TSPAN33: variants seen among roughly 807,000 people sequenced by gnomAD.
TSPAN33 encodes tetraspanin-33.
Under a neutral mutation model 34.8 loss-of-function variants are expected in TSPAN33, and 27 were observed. That is an observed-to-expected ratio of 0.78 (90% CI 0.57 to 1.07). The LOEUF (loss-of-function observed/expected upper bound fraction) is 1.07. Among genes scored for constraint, TSPAN33 ranks in the 50% least tolerant of loss-of-function variants. TSPAN33 has a pLI of 0.00. For synonymous variants in TSPAN33, 119 were observed against 124.2 expected (o/e 0.96, Z 0.28); for missense variants, 272 against 324.9 (o/e 0.84, Z 1.25).
intron 1 of TSPAN33, among the ~76,000 whole-genome samples, chr7:129,150,782 C>T (rs894322192): frequency 1.7e-4 from 26 of 151,940 alleles, no homozygotes; most frequent in South Asian, 2.1e-4. Flanking sequence ...TGGGGGTGGG[C>T]GTGGAGAGTG....
intron 5 of TSPAN33, 66 bp from the exon 6 acceptor site, chr7:129,166,712 G>A: frequency 6.3e-7 from 1 of 1,576,360 alleles, no homozygotes; most frequent in South Asian, 1.2e-5. Flanking sequence ...GTGGCTCTGA[G>A]AATTCCCCTG....
intron 5 of TSPAN33, 84 bp downstream of exon 5, chr7:129,164,653 G>A: frequency 7.7e-7 from 1 of 1,291,496 alleles, no homozygotes; most frequent in Non-Finnish European, 1.1e-6. Flanking sequence ...TGCCTGTGGG[G>A]CTCTTCATTA....
chr7:129,168,171 G>A lies in TSPAN33; in HGVS notation c.*297G>A, dbSNP rs1341962877. On this transcript the variant is annotated 3_prime_UTR_variant, in exon 8 of 8. Coordinates refer to ENST00000486685, the MANE Select transcript of TSPAN33 (RefSeq NM_178562.5). ...GAAACAGCAGTTGCACAGAGAGTTG[G>A]GGGTACTGCTGCTGCCTTTTCACCG... 2 of 352,134 alleles carry A rather than the reference G, an allele frequency of 5.7e-6. No homozygotes were observed. Among genetic ancestry groups the A allele is most frequent in the Non-Finnish European group, 1.0e-5 (2 of 194,320 alleles). The allele number at this position is 352,134 out of a possible 1,614,324, so 21.8% of individuals were successfully genotyped here. A position where few individuals can be genotyped will look rare whatever the true frequency, so the allele number is the denominator to read the frequency against.
chr7:129,159,594 A>C (rs1793019318), intron 1 of TSPAN33, among the ~76,000 whole-genome samples: 1 of 152,256 alleles, frequency 6.6e-6, no homozygotes, highest in African/African-American at 2.4e-5. Context: ...CAGTAAAATG[A>C]CACTCAGAAC....
chr7:129,162,239 A>G (rs1208674112), intron 2 of TSPAN33, among the ~76,000 whole-genome samples, 155 bp from the exon 3 acceptor site: 3 of 152,184 alleles, frequency 2.0e-5, no homozygotes, highest in African/African-American at 2.4e-5. Context: ...GGTTCTCCCC[A>G]TGGGACAGGG....
intron 4 of TSPAN33, 55 bp downstream of exon 4, chr7:129,162,962 G>A: frequency 6.5e-7 from 1 of 1,539,446 alleles, no homozygotes; most frequent in Non-Finnish European, 8.9e-7. Flanking sequence ...GAGGAAGGAA[G>A]GTTCCTGCCC....
intron 1 of TSPAN33, among the ~76,000 whole-genome samples, chr7:129,151,190 G>T (rs1178964132): frequency 1.3e-5 from 2 of 152,146 alleles, no homozygotes; most frequent in Non-Finnish European, 2.9e-5. Flanking sequence ...GCAGTGATGG[G>T]ATCACAGCTC....
chr7:129,144,740 CCGCGGGTGAGTCTCGTCCGCTCG>C lies in TSPAN33; in HGVS notation c.-237_-215del, dbSNP rs1174539469. ...CTGGCTGGCCGGGCTGGTCCTGCGG[CCGCGGGTGAGTCTCGTCCGCTCG>C]CGCTGCCCACCGCGGCTCCAGCAGC... On this transcript the variant is annotated 5_prime_UTR_variant, in exon 1 of 8. Coordinates refer to ENST00000486685, the MANE Select transcript of TSPAN33 (RefSeq NM_178562.5). Among the ~76,000 whole-genome samples, 2 of 151,730 alleles carry C rather than the reference CCGCGGGTGAGTCTCGTCCGCTCG, an allele frequency of 1.3e-5. No homozygotes were observed. Among genetic ancestry groups the C allele is most frequent in the African/African-American group, 4.8e-5 (2 of 41,402 alleles).
At chr7:129,161,769 T>C (rs1165689646) in intron 2 of TSPAN33, 33 bp downstream of exon 2, 45 of 1,613,466 alleles carry the variant, frequency 2.8e-5, no homozygotes, top group Non-Finnish European at 3.6e-5. Context: ...TGCCCCCACC[T>C]TGTGCCATGC....
In TSPAN33 at chr7:129,167,951, C is replaced by A; in HGVS notation, c.*77C>A. 1 of 1,547,836 alleles carries A rather than the reference C, an allele frequency of 6.5e-7. No homozygotes were observed. The highest frequency in any genetic ancestry group is 1.2e-5 in the South Asian group (1 of 82,544). On this transcript the variant is annotated 3_prime_UTR_variant, in exon 8 of 8. Coordinates refer to ENST00000486685, the MANE Select transcript of TSPAN33 (RefSeq NM_178562.5). This position sits in a 1 kb window ranked among gnomAD's most constrained non-coding sequence, Gnocchi z 4.6. ...ACAGCAGTGGGTGCTGAAAGCAGCA[C>A]CAAATGGAGATTTGGATTCCAGCCC... is the stretch of plus-strand genomic sequence containing the variant.
chr7:129,153,185 C>T (rs1810624713), intron 1 of TSPAN33, among the ~76,000 whole-genome samples: 1 of 151,852 alleles, frequency 6.6e-6, no homozygotes, highest in South Asian at 2.1e-4. Context: ...TAGGCAAATC[C>T]ATAGAGACTG....
rs1292629542 is a variant in TSPAN33, at chr7:129,144,762, C to G, written c.-219C>G. On this transcript the variant is annotated 5_prime_UTR_variant, in exon 1 of 8. Transcript: ENST00000486685. ...CGGCCGCGGGTGAGTCTCGTCCGCT[C>G]GCGCTGCCCACCGCGGCTCCAGCAG... is the stretch of plus-strand genomic sequence containing the variant. 10 of 151,236 alleles carry G rather than the reference C, an allele frequency of 6.6e-5. No homozygotes were observed. The highest frequency in any genetic ancestry group is 1.3e-4 in the Non-Finnish European group (9 of 67,820). 9.4% of individuals were successfully genotyped at this position (151,236 alleles called of 1,614,324 possible). A position where few individuals can be genotyped will look rare whatever the true frequency, so the allele number is the denominator to read the frequency against.
intron 1 of TSPAN33, among the ~76,000 whole-genome samples, chr7:129,159,762 C>T (rs945801111): frequency 2.6e-5 from 4 of 152,174 alleles, no homozygotes; most frequent in Admixed American, 2.0e-4. Context: ...TGGGACAAGG[C>T]GCCAGCTGGC....
chr7:129,155,050 A>G (rs1810648578), intron 1 of TSPAN33, among the ~76,000 whole-genome samples: 1 of 152,256 alleles, frequency 6.6e-6, no homozygotes, highest in Non-Finnish European at 1.5e-5. Context: ...AATATGGTTC[A>G]TATACATAAT....
Position 129,165,766 on chromosome 7 carries a change from C to T in TSPAN33, c.460-1012C>T, listed in dbSNP as rs1032962731. On this transcript the variant is annotated intron_variant, in intron 5 of 7. Transcript: ENST00000486685. This position sits in a 1 kb window ranked among gnomAD's most constrained non-coding sequence, Gnocchi z 4.5. Reference sequence around the variant, plus strand: ...TTCCACCAAAAATACAAAAATTAGCCGGGTTTGGTGGCGCACACCTGTAGT... The same window carrying T: ...TTCCACCAAAAATACAAAAATTAGCTGGGTTTGGTGGCGCACACCTGTAGT... 1.2e-4 allele frequency among the ~76,000 whole-genome samples: 18 copies of T among 152,006 alleles called. No individual in the cohort carries two copies. Among genetic ancestry groups the T allele is most frequent in the African/African-American group, 3.1e-4 (13 of 41,392 alleles).
intron 1 of TSPAN33, among the ~76,000 whole-genome samples, chr7:129,145,987 C>G (rs1810515348): frequency 6.6e-6 from 1 of 151,998 alleles, no homozygotes; most frequent in Non-Finnish European, 1.5e-5. Flanking sequence ...TGTTTCCTGG[C>G]TAGAGAGTCC....
intron 1 of TSPAN33, 131 bp from the exon 2 acceptor site, chr7:129,161,548 G>A: frequency 2.6e-6 from 2 of 767,076 alleles, no homozygotes; most frequent in Admixed American, 2.0e-5. Context: ...AGAATCACTG[G>A]GGAGGTGAAA....
rs1236765283 is a variant in TSPAN33, at chr7:129,162,537, C to T, written c.288+16C>T. On this transcript the variant is annotated intron_variant, in intron 3 of 7. Coordinates refer to ENST00000486685, the MANE Select transcript of TSPAN33 (RefSeq NM_178562.5). ...CCTGCAGACGGTGAGTGGTCAAGGC[C>T]CCACTGGAAAGACCCTGGCCCTCTC... 1.2e-6 allele frequency: 2 copies of T among 1,610,708 alleles called. No individual in the cohort carries two copies. Among genetic ancestry groups the T allele is most frequent in the East Asian group, 2.2e-5 (1 of 44,880 alleles).
intron 2 of TSPAN33, among the ~76,000 whole-genome samples, chr7:129,162,117 C>A (rs987306427): frequency 2.0e-5 from 3 of 152,254 alleles, no homozygotes; most frequent in African/African-American, 7.2e-5. Flanking sequence ...GAGCCTAATG[C>A]CATTCCAATT....
Sources: gnomAD v4.1 joint callset for allele counts (sites outside exome capture counted in the v4.1 genomes callset) on GRCh38, gnomAD v4.1.1 for gene constraint, Gnocchi (gnomAD v3.1) non-coding constraint, MANE v1.5 for transcripts, NCBI Gene and HGNC (gene_info 2026-07-23, HGNC 2026-07-21) for gene names.